The following PALLD variants were observed in gnomAD, a reference collection of about 807,000 sequenced individuals.
PALLD encodes the protein palladin, cytoskeletal associated protein, also known as palladin.
PALLD carries 61 observed loss-of-function variants against 123.5 expected under a neutral mutation model. That is an observed-to-expected ratio of 0.49 (90% CI 0.40 to 0.61). The LOEUF (loss-of-function observed/expected upper bound fraction) is 0.61. Among genes scored for constraint, PALLD ranks in the 20% least tolerant of loss-of-function variants. The pLI is 0.00. For missense variants in PALLD, 1,273 were observed against 1,377.0 expected, an observed-to-expected ratio of 0.92 and a Z score of 1.20; for synonymous variants, 465 against 496.4, an observed-to-expected ratio of 0.94 and a Z score of 0.84.
intron 10 of PALLD, among the ~76,000 whole-genome samples, chr4:168,874,350 A>T (rs1751464549): frequency 6.6e-6 from 1 of 152,188 alleles, no homozygotes; most frequent in Non-Finnish European, 1.5e-5. Flanking sequence ...AAATTAGGTC[A>T]TACACCTCTC....
intron 2 of PALLD, among the ~76,000 whole-genome samples, chr4:168,516,210 AATTAT>A: frequency 6.6e-6 from 1 of 152,352 alleles, no homozygotes; most frequent in East Asian, 1.9e-4. Context: ...ATGATATGCA[AATTAT>A]ATTAACAATT....
intron 10 of PALLD, among the ~76,000 whole-genome samples, chr4:168,854,028 C>T: frequency 6.6e-6 from 1 of 152,054 alleles, no homozygotes. Context: ...CTGCAACAGC[C>T]CTACTCTGTG....
intron 2 of PALLD, among the ~76,000 whole-genome samples, chr4:168,606,212 TTGG>T (rs1429103254): frequency 6.6e-6 from 1 of 152,194 alleles, no homozygotes; most frequent in African/African-American, 2.4e-5. Flanking sequence ...CGTGTGATTT[TTGG>T]ACACTTTATT....
chr4:168,843,608 G>A (rs1746368132), intron 10 of PALLD, among the ~76,000 whole-genome samples: 1 of 152,130 alleles, frequency 6.6e-6, no homozygotes, highest in African/African-American at 2.4e-5. Flanking sequence ...TATTTTCATA[G>A]GCAAGGAGAA....
intron 10 of PALLD, among the ~76,000 whole-genome samples, chr4:168,848,244 G>C (rs1047098639): frequency 1.3e-5 from 2 of 148,264 alleles, no homozygotes; most frequent in Non-Finnish European, 3.0e-5. Context: ...TTACTCAGCA[G>C]ATGGGAGCCA....
chr4:168,902,909 C>T (rs546986297), intron 14 of PALLD, among the ~76,000 whole-genome samples: 1 of 152,182 alleles, frequency 6.6e-6, no homozygotes, highest in African/African-American at 2.4e-5. Context: ...ATAGCTAGGG[C>T]TATAGACATG....
intron 10 of PALLD, among the ~76,000 whole-genome samples, chr4:168,731,552 A>G (rs1787173344): frequency 6.6e-6 from 1 of 152,240 alleles, no homozygotes; most frequent in South Asian, 2.1e-4. Context: ...AATTGATATT[A>G]TCTGTCTTTG....
intron 10 of PALLD, among the ~76,000 whole-genome samples, chr4:168,785,678 G>A (rs1736607581): frequency 6.6e-6 from 1 of 151,296 alleles, no homozygotes; most frequent in South Asian, 2.1e-4. Context: ...CTGCTGTCTG[G>A]GTTTGGCGTA....
intron 17 of PALLD, among the ~76,000 whole-genome samples, chr4:168,918,881 A>G (rs1354987424): frequency 3.3e-5 from 5 of 152,182 alleles, no homozygotes; most frequent in African/African-American, 1.2e-4. Context: ...TAAATAGATA[A>G]TTAGATTATA....
intron 2 of PALLD, among the ~76,000 whole-genome samples, chr4:168,569,707 G>A (rs1032730830): frequency 1.5e-4 from 23 of 152,158 alleles, no homozygotes; most frequent in African/African-American, 5.3e-4. Flanking sequence ...TGTCTGAGAT[G>A]CAGGCCAAAT....
intron 8 of PALLD, among the ~76,000 whole-genome samples, chr4:168,706,500 C>G (rs1364011106): frequency 1.3e-5 from 2 of 152,190 alleles, no homozygotes; most frequent in Admixed American, 1.3e-4. Flanking sequence ...GCTAAACTCT[C>G]AGAAGCTTAT....
intron 2 of PALLD, among the ~76,000 whole-genome samples, chr4:168,549,343 G>T (rs1007384856): frequency 6.6e-6 from 1 of 151,766 alleles, no homozygotes; most frequent in South Asian, 2.1e-4. Context: ...TGTTCATCTC[G>T]GTGGGTGTTC....
chr4:168,505,724 T>C (rs565985327), intron 1 of PALLD, among the ~76,000 whole-genome samples: 3 of 152,366 alleles, frequency 2.0e-5, no homozygotes, highest in Non-Finnish European at 2.9e-5. Context: ...ATCTACATGA[T>C]GACTCTGGGC....
intron 6 of PALLD, among the ~76,000 whole-genome samples, chr4:168,686,411 G>A (rs567431253): frequency 6.6e-6 from 1 of 152,148 alleles, no homozygotes; most frequent in South Asian, 2.1e-4. Context: ...GGTGTGTGAT[G>A]TTCCCCTCCC....
chr4:168,793,881 C>T (rs115269453), intron 10 of PALLD, among the ~76,000 whole-genome samples: 2,431 of 152,286 alleles, frequency 0.016, 32 homozygotes, highest in Non-Finnish European at 0.027. Context: ...TAATTAAAAT[C>T]TTGTCTGGTT....
intron 8 of PALLD, among the ~76,000 whole-genome samples, chr4:168,707,647 C>T (rs553163733): frequency 1.1e-4 from 17 of 152,240 alleles, no homozygotes; most frequent in African/African-American, 3.6e-4. Context: ...CCAGGTTCAA[C>T]GGATGGGGAA....
At chr4:168,922,950 T>C (rs1761875364) in intron 18 of PALLD, among the ~76,000 whole-genome samples, 1 of 152,180 alleles carries the variant, frequency 6.6e-6, no homozygotes, top group African/African-American at 2.4e-5. Context: ...AGTGTGACAT[T>C]TGGCAAATAG....
chr4:168,840,417 A>G (rs1745876212), intron 10 of PALLD, among the ~76,000 whole-genome samples: 1 of 152,332 alleles, frequency 6.6e-6, no homozygotes, highest in East Asian at 1.9e-4. Flanking sequence ...GTCCAAGTTC[A>G]TGATTCCTTG....
rs145140898 is a variant in PALLD, at chr4:168,617,202, T to C, written c.909-50988T>C. ...ATAGCCCAACTCTCCATTTCTTCTA[T>C]ACGATAGAGAAATAAATGTCTGCCT... On this transcript the variant is annotated intron_variant, in intron 2 of 21. Transcript: ENST00000505667. Among the ~76,000 whole-genome samples the C allele has an allele frequency of 3.0e-3, 458 of 152,298 alleles. 2 individuals carry two copies. The highest frequency in any genetic ancestry group is 0.01 in the African/African-American group (428 of 41,570).
Sources: allele counts gnomAD v4.1 joint callset (sites outside exome capture counted in the v4.1 genomes callset), GRCh38; gene constraint gnomAD v4.1.1; transcripts MANE v1.5; gene names NCBI Gene and HGNC (gene_info 2026-07-23, HGNC 2026-07-21).